The following PITPNM2 variants were observed in gnomAD, a reference collection of about 807,000 sequenced individuals.
The protein encoded by PITPNM2 is membrane-associated phosphatidylinositol transfer protein 2.
A neutral mutation model predicts 132.2 loss-of-function variants in PITPNM2; 35 were observed. That is an observed-to-expected ratio of 0.26 (90% confidence interval 0.20 to 0.35). PITPNM2 has a LOEUF of 0.35. Ranked by LOEUF, PITPNM2 falls within the 10% of genes least tolerant of loss-of-function variation. The probability of loss-of-function intolerance (pLI) is 1.00; values close to 1 mark genes in which losing one functional copy is unlikely to be tolerated. For missense variants in PITPNM2, 1,332 were observed against 1,912.0 expected (o/e 0.70, Z 5.66); for synonymous variants, 738 against 799.2 (o/e 0.92, Z 1.29).
Position 123,064,865 on chromosome 12 carries a change from C to T in PITPNM2, c.-95-30180G>A, listed in dbSNP as rs377259784. Among the ~76,000 whole-genome samples, 9 of 152,214 alleles carry T rather than the reference C, an allele frequency of 5.9e-5. No individual in the cohort carries two copies. The highest frequency in any genetic ancestry group is 2.1e-4 in the South Asian group (1 of 4,834). On this transcript the variant is annotated intron_variant, in intron 2 of 25. Transcript: ENST00000320201. The surrounding 1 kb of genome is among the most constrained non-coding windows in gnomAD (Gnocchi z 4.0). The stretch of plus-strand genomic sequence containing the variant: ...ATTCAAGCCTTGTCTTTGAGCAAGT[C>T]CTTTACCTGCTCCAGGCCTCAGTGT...
At position 123,103,089 on chromosome 12, in the gene PITPNM2, A is replaced by G. The variant is rs532766854; in HGVS notation, c.-96+7296T>C. Among the ~76,000 whole-genome samples the G allele has an allele frequency of 7.2e-5, 11 of 152,348 alleles. No individual in the cohort carries two copies. In the East Asian group the frequency reaches 1.9e-3, roughly 27 times the overall value. Reference sequence around the variant, plus strand: ...CAGGTACATACCACCACACCAGGCTAACTGAATCATGGGTTTAAACAAACC... The same window carrying G: ...CAGGTACATACCACCACACCAGGCTGACTGAATCATGGGTTTAAACAAACC... On this transcript the variant is annotated intron_variant, in intron 2 of 25. Coordinates refer to ENST00000320201, the MANE Select transcript of PITPNM2 (RefSeq NM_020845.3).
chr12:123,019,032 C>T (rs2039564050), intron 3 of PITPNM2, among the ~76,000 whole-genome samples: 1 of 152,116 alleles, frequency 6.6e-6, no homozygotes. Flanking sequence ...GATCCACCTG[C>T]CTCGGCCTCC....
chr12:123,120,943 C>T (rs560115438), intron 1 of PITPNM2, among the ~76,000 whole-genome samples: 49 of 152,352 alleles, frequency 3.2e-4, no homozygotes, highest in African/African-American at 1.1e-3. Context: ...CCAAAACATC[C>T]GGCAGCAGGC....
chr12:123,089,195 C>T lies in PITPNM2; in HGVS notation c.-96+21190G>A, dbSNP rs562545017. 3.3e-5 allele frequency: 5 copies of T among 152,324 alleles called. No individual in the cohort carries two copies. The South Asian group carries it at 6.2e-4, about 19-fold the overall frequency. The allele number at this position is 152,324 out of a possible 1,614,324, so 9.4% of individuals were successfully genotyped here. On this transcript the variant is annotated intron_variant, in intron 2 of 25. Coordinates refer to ENST00000320201, the MANE Select transcript of PITPNM2 (RefSeq NM_020845.3). ...GCTGCTGTAGGCATGCAAACCAAGG[C>T]ATCCAGGCTGCGCAGCCCCGAACCC...
At chr12:123,087,844 GC>G (rs2042157452) in intron 2 of PITPNM2, 1 of 152,092 alleles carries the variant, frequency 6.6e-6, no homozygotes, top group East Asian at 1.9e-4. Flanking sequence ...GGCTCAAACT[GC>G]TAGACTCAAG....
intron 20 of PITPNM2, 149 bp downstream of exon 20, chr12:122,988,085 G>C: frequency 1.1e-6 from 1 of 885,238 alleles, no homozygotes; most frequent in Non-Finnish European, 1.8e-6. Context: ...TGCCTTCCCT[G>C]TCTGTGAAGT....
At position 122,995,702 on chromosome 12, in the gene PITPNM2, G is replaced by C. The variant is rs770206022; in HGVS notation, c.1783-42C>G. 85 of 1,532,048 alleles carry C rather than the reference G, an allele frequency of 5.5e-5. No individual in the cohort carries two copies. The African/African-American group carries it at 1.0e-3, about 19-fold the overall frequency. 94.9% of individuals were successfully genotyped at this position (1,532,048 alleles called of 1,614,324 possible). On this transcript the variant is annotated intron_variant, in intron 13 of 25. Transcript: ENST00000320201. ...GAGGCTCACTGCCAGGTGGCCGCTGGCCTGACCCCTTCTCCAGTGTCCTGG... is the reference window on the plus strand; with the variant it reads ...GAGGCTCACTGCCAGGTGGCCGCTGCCCTGACCCCTTCTCCAGTGTCCTGG...
chr12:123,106,948 G>T lies in PITPNM2; in HGVS notation c.-96+3437C>A, dbSNP rs939733650. On this transcript the variant is annotated intron_variant, in intron 2 of 25. Coordinates refer to ENST00000320201, the MANE Select transcript of PITPNM2 (RefSeq NM_020845.3). The surrounding 1 kb of genome is among the most constrained non-coding windows in gnomAD (Gnocchi z 4.4). ...CTGAGAGGAGGGACTAGGAAGCAAG[G>T]CCCTCGCTGCAGGTAGGGCTCTGCT... Among the ~76,000 whole-genome samples the T allele has an allele frequency of 2.0e-5, 3 of 152,234 alleles. No homozygotes were observed. Among genetic ancestry groups the T allele is most frequent in the Non-Finnish European group, 2.9e-5 (2 of 68,042 alleles).
chr12:122,990,852 C>T (rs1476856752), intron 16 of PITPNM2, 143 bp from the exon 17 acceptor site: 25 of 904,368 alleles, frequency 2.8e-5, no homozygotes, highest in African/African-American at 5.1e-5. Flanking sequence ...TGCTCAGGGC[C>T]GTGAGAGGAA....
chr12:123,067,371 G>T (rs1220973694), intron 2 of PITPNM2, among the ~76,000 whole-genome samples: 1 of 151,856 alleles, frequency 6.6e-6, no homozygotes, highest in Admixed American at 6.6e-5. Flanking sequence ...CAGGAGAATC[G>T]CTTGAACCCA....
chr12:123,055,684 G>A (rs1275699801), intron 2 of PITPNM2, among the ~76,000 whole-genome samples: 1 of 152,166 alleles, frequency 6.6e-6, no homozygotes, highest in Non-Finnish European at 1.5e-5. Flanking sequence ...TGTGAGGGTA[G>A]CTCAGGCTAT....
chr12:123,141,781 G>T (rs903810305), intron 1 of PITPNM2, among the ~76,000 whole-genome samples: 4 of 152,018 alleles, frequency 2.6e-5, no homozygotes, highest in African/African-American at 9.7e-5. Flanking sequence ...CTGTGTCCTT[G>T]AGTCTTAATC....
At position 123,111,972 on chromosome 12, in the gene PITPNM2, C is replaced by T. The variant is rs1024864112; in HGVS notation, c.-199-1484G>A. On this transcript the variant is annotated intron_variant, in intron 1 of 25. Coordinates refer to ENST00000320201, the MANE Select transcript of PITPNM2 (RefSeq NM_020845.3). This position sits in a 1 kb window ranked among gnomAD's most constrained non-coding sequence, Gnocchi z 4.1. Reference sequence around the variant, plus strand: ...GCCATGGTAACGCACCCATCAATGGCGAGCCAGATTTGGTAGACCAGCCCC... The same window carrying T: ...GCCATGGTAACGCACCCATCAATGGTGAGCCAGATTTGGTAGACCAGCCCC... Among the ~76,000 whole-genome samples, 6 of 152,030 alleles carry T rather than the reference C, an allele frequency of 3.9e-5. No homozygotes were observed. The highest frequency in any genetic ancestry group is 7.3e-5 in the Non-Finnish European group (5 of 68,028).
chr12:122,992,797 T>G lies in PITPNM2; in HGVS notation c.2234-128A>C. The stretch of plus-strand genomic sequence containing the variant: ...AGGGATAAGATGGGGGGTGTGTCTC[T>G]ATCAATTTGGGACCTGTTTGGGTCA... On this transcript the variant is annotated intron_variant, in intron 15 of 25. Transcript: ENST00000320201. This position sits in a 1 kb window ranked among gnomAD's most constrained non-coding sequence, Gnocchi z 6.5. 1.5e-6 allele frequency: 1 copy of G among 672,464 alleles called. No individual in the cohort carries two copies. The highest frequency in any genetic ancestry group is 2.4e-6 in the Non-Finnish European group (1 of 408,384). 41.7% of individuals were successfully genotyped at this position (672,464 alleles called of 1,614,324 possible). A position where few individuals can be genotyped will look rare whatever the true frequency, so the allele number is the denominator to read the frequency against.
chr12:123,100,159 A>G (rs1450603618), intron 2 of PITPNM2, among the ~76,000 whole-genome samples: 3 of 152,224 alleles, frequency 2.0e-5, no homozygotes, highest in African/African-American at 7.2e-5. Context: ...ACCTGCATTA[A>G]CCACACTATA....
At position 122,986,765 on chromosome 12, in the gene PITPNM2, G is replaced by A. The variant is rs2037952104; in HGVS notation, c.3478C>T (p.Arg1160Trp). ...TGCTGGGCCAGCCACGCCACCACCC[G>A]CTGCTTCTGCATGTCGGGCCGGCCC... ...VTGRPDMQKQ[R>W]VVAWLAQHNF... The change falls in exon 24 of 26, where the codon CGG becomes TGG. Residue 1160 changes from arginine (R) to tryptophan (W), a missense_variant. Physicochemically the swap from Arg to Trp is moderately radical, Grantham distance 101 (BLOSUM62 -3). Transcript: ENST00000320201. The A allele has an allele frequency of 6.2e-7, 1 of 1,613,564 alleles. No individual in the cohort carries two copies. The highest frequency in any genetic ancestry group is 8.5e-7 in the Non-Finnish European group (1 of 1,179,988).
At chr12:123,034,072 A>AGAGGGCCC (rs1416366033) in intron 3 of PITPNM2, among the ~76,000 whole-genome samples, 9 of 152,322 alleles carry the variant, frequency 5.9e-5, no homozygotes, top group Admixed American at 3.9e-4. Context: ...CAAGCCAGGA[A>AGAGGGCCC]GAGGGCCCTC....
intron 2 of PITPNM2, among the ~76,000 whole-genome samples, chr12:123,042,207 G>A (rs1241676516): frequency 2.6e-5 from 4 of 151,836 alleles, no homozygotes; most frequent in Non-Finnish European, 4.4e-5. Context: ...AGATCTTCCT[G>A]AACCTCCCAG....
chr12:122,996,434 C>T (rs2038427449), intron 13 of PITPNM2, 24 bp downstream of exon 13: 1 of 1,612,116 alleles, frequency 6.2e-7, no homozygotes, highest in African/African-American at 1.3e-5. Flanking sequence ...GCCTTGGGGA[C>T]TGTCTGGGCC....
Sources: allele counts gnomAD v4.1 joint callset (sites outside exome capture counted in the v4.1 genomes callset), GRCh38; gene constraint gnomAD v4.1.1; non-coding constraint Gnocchi (gnomAD v3.1); transcripts MANE v1.5; gene names NCBI Gene and HGNC (gene_info 2026-07-23, HGNC 2026-07-21).